The following KCNJ4 variants were observed in gnomAD, a reference collection of about 807,000 sequenced individuals.
The protein encoded by KCNJ4 is potassium inwardly rectifying channel subfamily J member 4.
In KCNJ4, 3 loss-of-function variants were observed where a neutral mutation model predicts 25.6. The observed-to-expected ratio is 0.12, with a 90% CI of 0.05 to 0.30. The LOEUF is 0.30. Ranked by LOEUF, KCNJ4 falls within the 10% of genes least tolerant of loss-of-function variation. KCNJ4 has a pLI of 1.00. For missense variants in KCNJ4, 286 were observed against 666.8 expected (o/e 0.43, Z 6.29); for synonymous variants, 257 against 283.9 (o/e 0.91, Z 0.95).
At chr22:38,429,701 G>A (rs2093043734) in intron 1 of KCNJ4, among the ~76,000 whole-genome samples, 1 of 152,184 alleles carries the variant, frequency 6.6e-6, no homozygotes, top group Non-Finnish European at 1.5e-5. Context: ...GGCCCGTAGA[G>A]GACAGACCTT....
chr22:38,432,313 C>A (rs531049812), intron 1 of KCNJ4, among the ~76,000 whole-genome samples: 2 of 141,986 alleles, frequency 1.4e-5, no homozygotes, highest in Admixed American at 1.4e-4. Flanking sequence ...ATAAAAAAGA[C>A]CCCTGGTTGT....
intron 1 of KCNJ4, among the ~76,000 whole-genome samples, chr22:38,430,477 TG>T (rs1449841146): frequency 6.6e-6 from 1 of 152,128 alleles, no homozygotes; most frequent in Non-Finnish European, 1.5e-5. Context: ...CACTCCAGCC[TG>T]GGCAACAAAG....
rs1186441321 is a variant in KCNJ4 at position 38,443,212 on chromosome 22, C to T, written c.-40+11768G>A. On this transcript the variant is annotated intron_variant, in intron 1 of 1. Transcript: ENST00000303592. This position sits in a 1 kb window ranked among gnomAD's most constrained non-coding sequence, Gnocchi z 4.1. Reference sequence around the variant, plus strand: ...CAGGCCTGAGGGTCCCTCTCCAGGTCGCCCCTTGCTCTCCTGCCTCTGGCC... The same window carrying T: ...CAGGCCTGAGGGTCCCTCTCCAGGTTGCCCCTTGCTCTCCTGCCTCTGGCC... 8.5e-5 allele frequency among the ~76,000 whole-genome samples: 13 copies of T among 152,266 alleles called. No individual in the cohort carries two copies. Among genetic ancestry groups the T allele is most frequent in the Non-Finnish European group, 1.5e-4 (10 of 68,018 alleles).
At chr22:38,434,915 C>A (rs1221215298) in intron 1 of KCNJ4, among the ~76,000 whole-genome samples, 1 of 152,210 alleles carries the variant, frequency 6.6e-6, no homozygotes, top group Non-Finnish European at 1.5e-5. Context: ...CCTCACCAGG[C>A]CGCTGCTGAA....
chr22:38,435,644 G>A (rs952291010), intron 1 of KCNJ4, among the ~76,000 whole-genome samples: 2 of 150,728 alleles, frequency 1.3e-5, no homozygotes, highest in African/African-American at 4.9e-5. Flanking sequence ...AGTGAGCCAA[G>A]ATCGTGCCAC....
chr22:38,454,147 G>A (rs1667258264), intron 1 of KCNJ4, among the ~76,000 whole-genome samples: 1 of 152,180 alleles, frequency 6.6e-6, no homozygotes, highest in South Asian at 2.1e-4. Flanking sequence ...ACCTGCTGCT[G>A]AACATTCTAC....
chr22:38,452,024 C>T (rs2089413081), intron 1 of KCNJ4, among the ~76,000 whole-genome samples: 1 of 152,210 alleles, frequency 6.6e-6, no homozygotes, highest in African/African-American at 2.4e-5. Flanking sequence ...CTGTCTCCTG[C>T]TTTCATAGCT....
In KCNJ4 at chr22:38,449,940, C is replaced by T. The variant is rs879884792; in HGVS notation, c.-40+5040G>A. ...GCTCCCCATGCTGCACCCCACCCAC[C>T]ACCCCGTGAGCGCCCGTGTGCGCGC... On this transcript the variant is annotated intron_variant, in intron 1 of 1. Transcript: ENST00000303592. The surrounding 1 kb of genome is among the most constrained non-coding windows in gnomAD (Gnocchi z 5.2). Among the ~76,000 whole-genome samples the T allele has an allele frequency of 6.6e-6, 1 of 152,254 alleles. No homozygotes were observed. Among genetic ancestry groups the T allele is most frequent in the Admixed American group, 6.5e-5 (1 of 15,290 alleles).
intron 1 of KCNJ4, among the ~76,000 whole-genome samples, chr22:38,434,540 G>A (rs1277248348): frequency 1.3e-5 from 2 of 152,162 alleles, no homozygotes; most frequent in Non-Finnish European, 2.9e-5. Flanking sequence ...AGCTTGAGCT[G>A]GAAATCTAAC....
At chr22:38,448,160 C>A (rs1248083970) in intron 1 of KCNJ4, among the ~76,000 whole-genome samples, 1 of 151,018 alleles carries the variant, frequency 6.6e-6, no homozygotes, top group Non-Finnish European at 1.5e-5. Flanking sequence ...GCAGGAGAAT[C>A]GCTTGAACCC....
intron 1 of KCNJ4, among the ~76,000 whole-genome samples, chr22:38,431,350 C>T (rs1156810586): frequency 6.6e-6 from 1 of 152,190 alleles, no homozygotes; most frequent in East Asian, 1.9e-4. Flanking sequence ...CCACTCCTCC[C>T]CATTATCGAG....
At chr22:38,444,560 G>A (rs1049469174) in intron 1 of KCNJ4, among the ~76,000 whole-genome samples, 2 of 152,214 alleles carry the variant, frequency 1.3e-5, no homozygotes, top group East Asian at 1.9e-4. Context: ...GGGCTCGGGG[G>A]AGGATGTCCT....
chr22:38,446,795 A>G (rs1954822077), intron 1 of KCNJ4, among the ~76,000 whole-genome samples: 1 of 152,052 alleles, frequency 6.6e-6, no homozygotes, highest in South Asian at 2.1e-4. Flanking sequence ...ATCTCTACTA[A>G]AAATACAAAA....
rs78630943 is a variant in KCNJ4, at chr22:38,426,968, C to T, written c.1165G>A (p.Glu389Lys). Residue 389 changes from glutamate (E) to lysine (K), a missense_variant, in exon 2 of 2, where the codon GAG becomes AAG. Physicochemically the swap from Glu to Lys is moderately conservative, Grantham distance 56. Around this residue, in one of 11 missense-constraint regions of KCNJ4, gnomAD observed 77 missense variants for 97.6 expected, o/e 0.79. Coordinates refer to ENST00000303592, the MANE Select transcript of KCNJ4 (RefSeq NM_152868.3). ...LMSQEEEEMEEEAAAAAAVAA... is the reference protein window; with the variant it reads ...LMSQEEEEMEKEAAAAAAVAA... ...ACCGCGGCCGCCGCAGCTGCCTCCT[C>T]CTCCATCTCCTCTTCCTCCTGGCTC... is the stretch of plus-strand genomic sequence containing the variant. The T allele has an allele frequency of 4.5e-5, 73 of 1,612,680 alleles. No individual in the cohort carries two copies. Among genetic ancestry groups the T allele is most frequent in the Non-Finnish European group, 5.9e-5 (70 of 1,179,854 alleles).
chr22:38,452,902 G>T (rs1414724221), intron 1 of KCNJ4, among the ~76,000 whole-genome samples: 1 of 116,678 alleles, frequency 8.6e-6, no homozygotes, highest in Non-Finnish European at 1.7e-5. Flanking sequence ...CACTGCTCCA[G>T]CTCTGTTTCC....
chr22:38,439,999 G>A (rs1364391164), intron 1 of KCNJ4, among the ~76,000 whole-genome samples: 1 of 151,598 alleles, frequency 6.6e-6, no homozygotes, highest in African/African-American at 2.4e-5. Context: ...GCTGAGGCAG[G>A]AGAATGGCGT....
intron 1 of KCNJ4, among the ~76,000 whole-genome samples, chr22:38,442,331 G>A (rs1176127793): frequency 3.9e-5 from 6 of 152,084 alleles, no homozygotes; most frequent in East Asian, 1.9e-4. Flanking sequence ...GGCGGATCAC[G>A]AGGTCAGGAG....
chr22:38,454,871 G>T (rs2089431116), intron 1 of KCNJ4, 109 bp downstream of exon 1: 1 of 151,804 alleles, frequency 6.6e-6, no homozygotes, highest in South Asian at 2.1e-4. Context: ...CCCGGCTCCG[G>T]ATCAGGTGCG....
At chr22:38,445,748 A>G (rs2089369915) in intron 1 of KCNJ4, among the ~76,000 whole-genome samples, 1 of 152,234 alleles carries the variant, frequency 6.6e-6, no homozygotes, top group Admixed American at 6.5e-5. Context: ...GAAAACAAGT[A>G]GTGCAACTCA....
Sources: gnomAD v4.1 joint callset for allele counts (sites outside exome capture counted in the v4.1 genomes callset) on GRCh38, gnomAD v4.1.1 for gene constraint, gnomAD v4.1.1 regional missense constraint, Gnocchi (gnomAD v3.1) non-coding constraint, MANE v1.5 for transcripts, NCBI Gene and HGNC (gene_info 2026-07-23, HGNC 2026-07-21) for gene names.